The following HSPG2 variants were observed in gnomAD, a reference collection of about 807,000 sequenced individuals.
The protein encoded by HSPG2 is heparan sulfate proteoglycan 2, also known as basement membrane-specific heparan sulfate proteoglycan core protein.
Under a neutral mutation model 526.6 loss-of-function variants are expected in HSPG2, and 278 were observed. That is an observed-to-expected ratio of 0.53 (90% CI 0.48 to 0.58). The LOEUF (loss-of-function observed/expected upper bound fraction) is 0.58. Ranked by LOEUF, HSPG2 falls within the 20% of genes least tolerant of loss-of-function variation. The pLI is 0.00. For synonymous variants in HSPG2, 2,465 were observed against 2,555.4 expected (o/e 0.96, Z 1.07); for missense variants, 5,354 against 6,099.5 (o/e 0.88, Z 4.07).
At chr1:21,850,557 T>C in intron 55 of HSPG2, 59 bp from the exon 56 acceptor site, 2 of 1,500,344 alleles carry the variant, frequency 1.3e-6, no homozygotes, top group South Asian at 2.7e-5. Flanking sequence ...TCCTATAACC[T>C]GCAACCCTGC....
intron 3 of HSPG2, among the ~76,000 whole-genome samples, chr1:21,892,113 C>T (rs147190432): frequency 6.6e-6 from 1 of 152,368 alleles, no homozygotes; most frequent in Non-Finnish European, 1.5e-5. Context: ...TTACTCTGTC[C>T]ATCAGGCCCG....
Position 21,865,784 on chromosome 1 carries a change from C to T in HSPG2, c.4247G>A (p.Arg1416Gln), listed in dbSNP as rs767871839. ...DKVAAYGGKLRYTLSYTAGPQ... is the reference protein window; with the variant it reads ...DKVAAYGGKLQYTLSYTAGPQ... ...GCCTGCTGTGTAGGAGAGGGTGTATCGCAACTTCCCACCGTAGGCCGCCAC... is the reference window on the plus strand; with the variant it reads ...GCCTGCTGTGTAGGAGAGGGTGTATTGCAACTTCCCACCGTAGGCCGCCAC... Residue 1416 changes from arginine (R) to glutamine (Q), a missense_variant, in exon 34 of 97, where the codon CGA becomes CAA. Physicochemically the swap from Arg to Gln is conservative, Grantham distance 43 (BLOSUM62 1). Transcript: ENST00000374695. This position sits in a 1 kb window ranked among gnomAD's most constrained non-coding sequence, Gnocchi z 5.4. The T allele has an allele frequency of 5.0e-6, 8 of 1,613,610 alleles. No individual in the cohort carries two copies. Among genetic ancestry groups the T allele is most frequent in the East Asian group, 2.2e-5 (1 of 44,878 alleles).
In HSPG2 at chr1:21,874,731, TG is replaced by T; in HGVS notation, c.3415-3del. 3.1e-6 allele frequency: 5 copies of T among 1,596,694 alleles called. No individual in the cohort carries two copies. The highest frequency in any genetic ancestry group is 1.1e-5 in the South Asian group (1 of 88,682). On this transcript the variant is annotated splice_polypyrimidine_tract_variant and splice_region_variant and intron_variant, in intron 26 of 96. Coordinates refer to ENST00000374695, the MANE Select transcript of HSPG2 (RefSeq NM_005529.7). ...GCGTGTGTAGCCTGTGTCACAGTCC[TG>T]GGGGCAGAAAGATGGCAGTGGGAGG...
rs986859526 is a variant in HSPG2, at chr1:21,859,479, C to A, written c.5293+87G>T. ...TCGGGCAACCACTGCCCCCTCCCAGCAGGTGAATGCACCATCTGCCTGAAT... is the reference window on the plus strand; with the variant it reads ...TCGGGCAACCACTGCCCCCTCCCAGAAGGTGAATGCACCATCTGCCTGAAT... On this transcript the variant is annotated intron_variant, in intron 42 of 96. Coordinates refer to ENST00000374695, the MANE Select transcript of HSPG2 (RefSeq NM_005529.7). The surrounding 1 kb of genome is among the most constrained non-coding windows in gnomAD (Gnocchi z 5.3). 20 of 1,021,266 alleles carry A rather than the reference C, an allele frequency of 2.0e-5. No homozygotes were observed. Among genetic ancestry groups the A allele is most frequent in the Non-Finnish European group, 2.9e-5 (19 of 665,446 alleles). The allele number at this position is 1,021,266 out of a possible 1,614,324, so 63.3% of individuals were successfully genotyped here.
At chr1:21,899,789 T>A (rs1642991413) in intron 1 of HSPG2, among the ~76,000 whole-genome samples, 2 of 152,176 alleles carry the variant, frequency 1.3e-5, no homozygotes, top group East Asian at 3.9e-4. Context: ...CCGGGAGACG[T>A]GTCTGCCCAG....
rs574689195 is a variant in HSPG2, at chr1:21,849,919, C to T, written c.7446+122G>A. The T allele has an allele frequency of 7.2e-5, 88 of 1,220,560 alleles. 2 individuals are homozygous for T. Among genetic ancestry groups the T allele is most frequent in the Middle Eastern group, 5.4e-4 (2 of 3,708 alleles). The allele number at this position is 1,220,560 out of a possible 1,614,324, so 75.6% of individuals were successfully genotyped here. A position where few individuals can be genotyped will look rare whatever the true frequency, so the allele number is the denominator to read the frequency against. On this transcript the variant is annotated intron_variant, in intron 57 of 96. Coordinates refer to ENST00000374695, the MANE Select transcript of HSPG2 (RefSeq NM_005529.7). ...GGTCTCAAACTCCTGACCTCGTGAT[C>T]TTCCTGCCTTGGCCTCCCAAAGTGC...
rs771223089 is a variant in HSPG2, at chr1:21,876,495, C to A, written c.2826+17G>T. 6.2e-7 allele frequency: 1 copy of A among 1,613,908 alleles called. No individual in the cohort carries two copies. The highest frequency in any genetic ancestry group is 8.5e-7 in the Non-Finnish European group (1 of 1,179,870). ...CCCAGGGCTTGGCGGTCCTGCCCGC[C>A]CACCTTGCAGAGGTACCTGGGCACG... On this transcript the variant is annotated intron_variant, in intron 22 of 96. Transcript: ENST00000374695.
At chr1:21,884,400 G>A (rs557045123) in intron 13 of HSPG2, 128 bp downstream of exon 13, 7 of 1,303,502 alleles carry the variant, frequency 5.4e-6, no homozygotes, top group Middle Eastern at 2.6e-4. Context: ...AGGGCTCAGT[G>A]TTTCTTCAGC....
At chr1:21,875,840 C>A in intron 24 of HSPG2, 23 bp downstream of exon 24, 1 of 1,605,086 alleles carries the variant, frequency 6.2e-7, no homozygotes, top group Non-Finnish European at 8.5e-7. Context: ...GCACCCCTAC[C>A]CCCAGGGGAC....
rs886046044 is a variant in HSPG2 at position 21,884,898 on chromosome 1, C to A, written c.1376G>T (p.Gly459Val). The A allele has an allele frequency of 6.2e-7, 1 of 1,613,988 alleles. No homozygotes were observed. The highest frequency in any genetic ancestry group is 1.1e-5 in the South Asian group (1 of 91,080). The change falls in exon 12 of 97, where the codon GGT becomes GTT. Residue 459 changes from glycine to valine, a missense_variant. Coordinates refer to ENST00000374695, the MANE Select transcript of HSPG2 (RefSeq NM_005529.7). ...ACGGATGATCAGTGTGCCACGGCCA[C>A]CCTCGCTGGTCACTGTCACCCTGGT... ...SHPRVTVTSEGGRGTLIIRDV... is the reference protein window; with the variant it reads ...SHPRVTVTSEVGRGTLIIRDV...
Position 21,880,734 on chromosome 1 carries a change from G to A in HSPG2, c.1920C>T (p.Ala640=), listed in dbSNP as rs771072351. 22 of 1,601,458 alleles carry A rather than the reference G, an allele frequency of 1.4e-5. No homozygotes were observed. The highest frequency in any genetic ancestry group is 2.7e-5 in the African/African-American group (2 of 74,768). Residue 640 remains alanine (A), a synonymous_variant, in exon 15 of 97, where the codon GCC becomes GCT. Transcript: ENST00000374695. The part of the protein sequence containing the change: ...VQRPDVVLMG[A]GYRLLSRGHT... ...GGCCTCGGGAGAGGAGGCGGTACCC[G>A]GCACCCATGAGGACCACGTCCGGCC...
rs1487482980 is a variant in HSPG2 at position 21,854,634 on chromosome 1, C to T, written c.6265G>A (p.Gly2089Ser). 1 of 1,578,580 alleles carries T rather than the reference C, an allele frequency of 6.3e-7. No individual in the cohort carries two copies. The highest frequency in any genetic ancestry group is 8.6e-7 in the Non-Finnish European group (1 of 1,161,196). The stretch of plus-strand genomic sequence containing the variant: ...ACCTGGGTGTGGGGAGGCAGGCTAC[C>T]CCCTCGCCTGTACCAGGTGACCTGG... ...HAQVTWYRRG[G>S]SLPPHTQVHG... The change falls in exon 49 of 97, where the codon GGT becomes AGT. Residue 2089 changes from glycine to serine, a missense_variant. Gly to Ser is a moderately conservative substitution (Grantham distance 56). Coordinates refer to ENST00000374695, the MANE Select transcript of HSPG2 (RefSeq NM_005529.7).
In HSPG2 at chr1:21,850,033, C is replaced by A; in HGVS notation, c.7446+8G>T. ...GTCCTTCAGGCTTCCTGAGCTCCTGCCTCCTACCTGGTGCCGGGCCGGGAG... is the reference window on the plus strand; with the variant it reads ...GTCCTTCAGGCTTCCTGAGCTCCTGACTCCTACCTGGTGCCGGGCCGGGAG... On this transcript the variant is annotated splice_region_variant and intron_variant, in intron 57 of 96. Transcript: ENST00000374695. 2 of 1,612,748 alleles carry A rather than the reference C, an allele frequency of 1.2e-6. No individual in the cohort carries two copies. The highest frequency in any genetic ancestry group is 1.7e-6 in the Non-Finnish European group (2 of 1,179,992).
intron 42 of HSPG2, 83 bp from the exon 43 acceptor site, chr1:21,857,468 T>A: frequency 8.4e-7 from 1 of 1,190,768 alleles, no homozygotes; most frequent in Non-Finnish European, 1.2e-6. Context: ...CCATAACCTC[T>A]AGGCATCACT....
rs1193044022 is a variant in HSPG2, at chr1:21,848,577, T to A, written c.7737+66A>T. The A allele has an allele frequency of 6.5e-7, 1 of 1,532,286 alleles. No homozygotes were observed. Among genetic ancestry groups the A allele is most frequent in the Non-Finnish European group, 9.0e-7 (1 of 1,108,574 alleles). The allele number at this position is 1,532,286 out of a possible 1,614,324, so 94.9% of individuals were successfully genotyped here. ...TGAGCACAGAGTGAGGTGCTGAGAG[T>A]CCCCCCTCTTCCCATTGGGGGCTGG... On this transcript the variant is annotated intron_variant, in intron 59 of 96. Coordinates refer to ENST00000374695, the MANE Select transcript of HSPG2 (RefSeq NM_005529.7). This position sits in a 1 kb window ranked among gnomAD's most constrained non-coding sequence, Gnocchi z 4.9.
Position 21,865,391 on chromosome 1 carries a change from A to C in HSPG2, c.4315-26T>G, listed in dbSNP as rs1640146490. On this transcript the variant is annotated intron_variant, in intron 34 of 96. Coordinates refer to ENST00000374695, the MANE Select transcript of HSPG2 (RefSeq NM_005529.7). The surrounding 1 kb of genome is among the most constrained non-coding windows in gnomAD (Gnocchi z 5.4). ...CTGGAAAGACACCAGCAGGATTGGA[A>C]GGGGAGCCGAGGGGTCCCTGGGGTG... 2.5e-6 allele frequency: 4 copies of C among 1,606,858 alleles called. No individual in the cohort carries two copies. The South Asian group carries it at 4.4e-5, about 18-fold the overall frequency.
chr1:21,822,430 A>C lies in HSPG2; in HGVS notation c.*886T>G, dbSNP rs1201914844. On this transcript the variant is annotated 3_prime_UTR_variant, in exon 97 of 97. Transcript: ENST00000374695. Reference sequence around the variant, plus strand: ...GTCATATCCCCCTCCTCTCTCTCTCAGTCGTGAGTCCTGCCTTCCCCCACC... The same window carrying C: ...GTCATATCCCCCTCCTCTCTCTCTCCGTCGTGAGTCCTGCCTTCCCCCACC... 55 of 582,908 alleles carry C rather than the reference A, an allele frequency of 9.4e-5. 1 individual carries two copies. The highest frequency in any genetic ancestry group is 1.2e-5 in the Non-Finnish European group (4 of 324,514). 36.1% of individuals were successfully genotyped at this position (582,908 alleles called of 1,614,324 possible).
chr1:21,823,946 G>A lies in HSPG2; in HGVS notation c.12899+175C>T. ...CTCCTGGGGCACTCGCCTGCCCCCAGCGGAGTTCAGTCCGAGATGGAAGCC... is the reference window on the plus strand; with the variant it reads ...CTCCTGGGGCACTCGCCTGCCCCCAACGGAGTTCAGTCCGAGATGGAAGCC... On this transcript the variant is annotated intron_variant, in intron 95 of 96. Coordinates refer to ENST00000374695, the MANE Select transcript of HSPG2 (RefSeq NM_005529.7). The A allele has an allele frequency of 7.8e-6, 6 of 770,668 alleles. No individual in the cohort carries two copies. In the South Asian group the frequency reaches 7.9e-5, roughly 10 times the overall value. 47.7% of individuals were successfully genotyped at this position (770,668 alleles called of 1,614,324 possible).
intron 57 of HSPG2, 59 bp from the exon 58 acceptor site, chr1:21,849,090 G>T: frequency 6.3e-7 from 1 of 1,584,122 alleles, no homozygotes; most frequent in South Asian, 1.1e-5. Flanking sequence ...CTCACGCCAA[G>T]CTCCTGTTCC....
Sources: allele counts gnomAD v4.1 joint callset (sites outside exome capture counted in the v4.1 genomes callset), GRCh38; gene constraint gnomAD v4.1.1; non-coding constraint Gnocchi (gnomAD v3.1); transcripts MANE v1.5; gene names NCBI Gene and HGNC (gene_info 2026-07-23, HGNC 2026-07-21).